The following GUCA1C variants were observed in gnomAD, a reference collection of about 807,000 sequenced individuals.
The protein encoded by GUCA1C is guanylate cyclase activator 1C.
A neutral mutation model predicts 16.2 loss-of-function variants in GUCA1C; 15 were observed. The observed-to-expected ratio is 0.93, with a 90% confidence interval of 0.62 to 1.43. The LOEUF (loss-of-function observed/expected upper bound fraction) is 1.43, where lower values mean the gene tolerates loss of function less well. GUCA1C is among the 40% of genes most tolerant of loss of function. GUCA1C has a pLI of 0.00. For synonymous variants in GUCA1C, 78 were observed against 85.4 expected (o/e 0.91, Z 0.48); for missense variants, 275 against 244.8 (o/e 1.12, Z -0.82).
chr3:108,927,897 C>T (rs1376325170), intron 1 of GUCA1C, among the ~76,000 whole-genome samples: 1 of 152,206 alleles, frequency 6.6e-6, no homozygotes, highest in Non-Finnish European at 1.5e-5. Context: ...TCTTTTGTCC[C>T]ATGGGATGCT....
At chr3:108,908,260 G>A (rs765454907) in intron 3 of GUCA1C, 51 bp from the exon 4 acceptor site, 4 of 1,141,954 alleles carry the variant, frequency 3.5e-6, no homozygotes, top group Non-Finnish European at 3.9e-6. Flanking sequence ...CCACTCACTG[G>A]CACAAATGAT....
At chr3:108,917,764 A>C (rs998453353) in intron 2 of GUCA1C, among the ~76,000 whole-genome samples, 1 of 152,122 alleles carries the variant, frequency 6.6e-6, no homozygotes, top group Non-Finnish European at 1.5e-5. Flanking sequence ...TAAAATCTGC[A>C]GCCGGGCACG....
chr3:108,950,932 T>G (rs758104746), intron 1 of GUCA1C, among the ~76,000 whole-genome samples: 8 of 152,174 alleles, frequency 5.3e-5, no homozygotes, highest in Non-Finnish European at 1.0e-4. Flanking sequence ...ACACAGAATG[T>G]AACAACTGCT....
chr3:108,915,482 G>C (rs547175940), intron 3 of GUCA1C, among the ~76,000 whole-genome samples: 1 of 152,190 alleles, frequency 6.6e-6, no homozygotes, highest in African/African-American at 2.4e-5. Context: ...ATTTCTCTTG[G>C]GCTGTCTGTG....
At chr3:108,943,885 C>G (rs1946816287) in intron 1 of GUCA1C, among the ~76,000 whole-genome samples, 1 of 152,112 alleles carries the variant, frequency 6.6e-6, no homozygotes, top group East Asian at 1.9e-4. Context: ...GTTTAGTTTT[C>G]CATTCCTGAG....
intron 1 of GUCA1C, among the ~76,000 whole-genome samples, chr3:108,946,477 A>G: frequency 6.6e-6 from 1 of 152,192 alleles, no homozygotes; most frequent in South Asian, 2.1e-4. Context: ...GCATACCAAA[A>G]TTATTGACTT....
chr3:108,915,455 A>T (rs1355757718), intron 3 of GUCA1C, among the ~76,000 whole-genome samples: 1 of 152,210 alleles, frequency 6.6e-6, no homozygotes, highest in East Asian at 1.9e-4. Flanking sequence ...TATCAAAGCT[A>T]CATGGTAGAA....
intron 1 of GUCA1C, among the ~76,000 whole-genome samples, chr3:108,940,310 G>A (rs901822476): frequency 6.6e-5 from 10 of 152,148 alleles, no homozygotes; most frequent in African/African-American, 1.2e-4. Flanking sequence ...CCAGTACAGC[G>A]TTATAGGTTG....
At chr3:108,936,845 T>A (rs374890968) in intron 1 of GUCA1C, among the ~76,000 whole-genome samples, 1 of 152,278 alleles carries the variant, frequency 6.6e-6, no homozygotes, top group African/African-American at 2.4e-5. Context: ...TCCTGGAGAC[T>A]TTGAGCCCAG....
chr3:108,917,222 A>T (rs1038230516), intron 2 of GUCA1C, among the ~76,000 whole-genome samples: 3 of 152,238 alleles, frequency 2.0e-5, no homozygotes, highest in African/African-American at 7.2e-5. Context: ...GAGGCTTCAA[A>T]AGCCTAGAAA....
At chr3:108,941,555 T>G (rs1208165967) in intron 1 of GUCA1C, among the ~76,000 whole-genome samples, 1 of 152,198 alleles carries the variant, frequency 6.6e-6, no homozygotes, top group Non-Finnish European at 1.5e-5. Flanking sequence ...AAAATCAGAC[T>G]TCTATTAGTC....
chr3:108,920,612 A>C, intron 1 of GUCA1C, 27 bp from the exon 2 acceptor site: 1 of 1,276,764 alleles, frequency 7.8e-7, no homozygotes, highest in Admixed American at 1.9e-5. Context: ...GAAAAGAGAA[A>C]TAAATATTTA....
chr3:108,918,056 A>G (rs1205918549), intron 2 of GUCA1C, among the ~76,000 whole-genome samples: 1 of 152,182 alleles, frequency 6.6e-6, no homozygotes, highest in Non-Finnish European at 1.5e-5. Context: ...AAAAAATAAA[A>G]AAAACTCTTA....
intron 1 of GUCA1C, among the ~76,000 whole-genome samples, chr3:108,928,000 C>T (rs997769525): frequency 2.0e-5 from 3 of 152,218 alleles, no homozygotes; most frequent in Admixed American, 6.5e-5. Flanking sequence ...GGTCTAGTCA[C>T]CTAGCGGAGC....
chr3:108,912,668 A>G (rs966412485), intron 3 of GUCA1C, among the ~76,000 whole-genome samples: 1 of 149,696 alleles, frequency 6.7e-6, no homozygotes, highest in African/African-American at 2.5e-5. Context: ...CCAGGTTTAT[A>G]TTTTATGAAG....
At chr3:108,954,863 A>G (rs1029198447), upstream of GUCA1C, among the ~76,000 whole-genome samples, 1 of 151,390 alleles carries the variant, frequency 6.6e-6, no homozygotes, top group Non-Finnish European at 1.5e-5. Flanking sequence ...CAGCCTCCAG[A>G]GTAGCTGGGA....
intron 1 of GUCA1C, among the ~76,000 whole-genome samples, chr3:108,951,904 A>C (rs1946899746): frequency 6.6e-6 from 1 of 152,164 alleles, no homozygotes; most frequent in Non-Finnish European, 1.5e-5. Context: ...CTGACAGCAG[A>C]TCCTTGCTTC....
At chr3:108,924,742 A>G (rs1476241919) in intron 1 of GUCA1C, among the ~76,000 whole-genome samples, 1 of 152,110 alleles carries the variant, frequency 6.6e-6, no homozygotes, top group Non-Finnish European at 1.5e-5. Context: ...ACTGTCTAAT[A>G]TAATTCAGCT....
intron 1 of GUCA1C, among the ~76,000 whole-genome samples, chr3:108,938,365 G>A (rs1046857282): frequency 3.3e-5 from 5 of 152,162 alleles, no homozygotes; most frequent in Admixed American, 3.3e-4. Flanking sequence ...TGAGTTGGTA[G>A]CAACATATGA....
Sources: allele counts gnomAD v4.1 joint callset (sites outside exome capture counted in the v4.1 genomes callset), GRCh38; gene constraint gnomAD v4.1.1; transcripts MANE v1.5; gene names NCBI Gene and HGNC (gene_info 2026-07-23, HGNC 2026-07-21).